The following CACNA1H variants were observed in gnomAD, a reference collection of about 807,000 sequenced individuals.
The protein encoded by CACNA1H is calcium voltage-gated channel subunit alpha1 H, also known as voltage-dependent T-type calcium channel subunit alpha-1H.
Under a neutral mutation model 192.5 loss-of-function variants are expected in CACNA1H, and 149 were observed. That is an observed-to-expected ratio of 0.77 (90% CI 0.68 to 0.89). The LOEUF (loss-of-function observed/expected upper bound fraction) is 0.89. CACNA1H is among the 40% of genes least tolerant of loss of function. The pLI, the probability that CACNA1H is intolerant of heterozygous loss-of-function variation, is 0.00. For synonymous variants in CACNA1H, 2,202 were observed against 1,475.2 expected (o/e 1.49, Z -11.29); for missense variants, 4,257 against 3,423.5 (o/e 1.24, Z -6.08).
At chr16:1,176,513 T>G (rs536217991) in intron 2 of CACNA1H, among the ~76,000 whole-genome samples, 1 of 152,216 alleles carries the variant, frequency 6.6e-6, no homozygotes, top group Non-Finnish European at 1.5e-5. Flanking sequence ...TGAGGAGGCC[T>G]GGGGCCAGTA....
chr16:1,218,326 G>C lies in CACNA1H; in HGVS notation c.5562G>C (p.Val1854=), dbSNP rs368251427. Residue 1854 remains valine, a synonymous_variant, in exon 33 of 35, where the codon GTG becomes GTC. Coordinates refer to ENST00000348261, the MANE Select transcript of CACNA1H (RefSeq NM_021098.3). ...TGGCCCAGTTCGTGCTGGTGAACGTGGTGGTGGCCGTGCTCATGAAGCACC... is the reference window on the plus strand; with the variant it reads ...TGGCCCAGTTCGTGCTGGTGAACGTCGTGGTGGCCGTGCTCATGAAGCACC... ...VLVAQFVLVN[V]VVAVLMKHLE... 503 of 1,559,158 alleles carry C rather than the reference G, an allele frequency of 3.2e-4. No homozygotes were observed. The highest frequency in any genetic ancestry group is 4.2e-4 in the Non-Finnish European group (484 of 1,152,244).
At chr16:1,195,304 T>G (rs2141196150) in intron 3 of CACNA1H, 128 bp from the exon 4 acceptor site, 2 of 1,002,680 alleles carry the variant, frequency 2.0e-6, no homozygotes, top group South Asian at 3.2e-5. Flanking sequence ...TTCCTGGGGC[T>G]CAGGGCGGGG....
chr16:1,162,950 C>T (rs983173440), intron 2 of CACNA1H, among the ~76,000 whole-genome samples: 2 of 152,226 alleles, frequency 1.3e-5, no homozygotes, highest in South Asian at 2.1e-4. Flanking sequence ...GGTGCCTGGC[C>T]CTGCGGCCAC....
chr16:1,166,721 C>T (rs939260592), intron 2 of CACNA1H, among the ~76,000 whole-genome samples: 1 of 152,166 alleles, frequency 6.6e-6, no homozygotes, highest in Non-Finnish European at 1.5e-5. Flanking sequence ...CGGCTTCTCT[C>T]GAGCTTTGTG....
intron 10 of CACNA1H, 56 bp downstream of exon 10, chr16:1,204,514 G>T: frequency 7.2e-7 from 1 of 1,386,804 alleles, no homozygotes; most frequent in Middle Eastern, 2.2e-4. Context: ...AGGGCCTGGG[G>T]AGTCTCAGGA....
intron 30 of CACNA1H, among the ~76,000 whole-genome samples, chr16:1,216,513 G>T (rs1436532166): frequency 6.6e-6 from 1 of 152,220 alleles, no homozygotes; most frequent in East Asian, 1.9e-4. Flanking sequence ...AGTCAGCTGC[G>T]TGCTGGCCTG....
intron 2 of CACNA1H, chr16:1,159,965 C>G (rs1356476727): frequency 1.3e-5 from 2 of 152,442 alleles, no homozygotes. Flanking sequence ...CCCACCAGGC[C>G]GGGCTCCTGG....
rs778637721 is a variant in CACNA1H, at chr16:1,195,957, G to T, written c.577G>T (p.Val193Leu). The T allele has an allele frequency of 9.9e-6, 16 of 1,612,986 alleles. No homozygotes were observed. Among genetic ancestry groups the T allele is most frequent in the Non-Finnish European group, 1.3e-5 (15 of 1,179,834 alleles). Residue 193 changes from valine to leucine, a missense_variant, in exon 5 of 35, where the codon GTG becomes TTG. Physicochemically the swap from Val to Leu is conservative, Grantham distance 32 (BLOSUM62 1). Coordinates refer to ENST00000348261, the MANE Select transcript of CACNA1H (RefSeq NM_021098.3). ...MMEYSLDGHN[V>L]SLSAIRTVRV... ...GGAGTACTCGTTGGACGGACACAAC[G>T]TGAGCCTCTCGGCTATCAGGACCGT...
At chr16:1,165,000 A>T (rs990339239) in intron 2 of CACNA1H, among the ~76,000 whole-genome samples, 1 of 151,770 alleles carries the variant, frequency 6.6e-6, no homozygotes, top group Admixed American at 6.6e-5. Flanking sequence ...CCTCAGGGTG[A>T]TTTGTCTCCG....
intron 9 of CACNA1H, among the ~76,000 whole-genome samples, chr16:1,203,622 A>G (rs1304646616): frequency 6.6e-6 from 1 of 152,176 alleles, no homozygotes; most frequent in Non-Finnish European, 1.5e-5. Flanking sequence ...TCCAAAATCC[A>G]GGCCTTGCAG....
At chr16:1,174,405 G>C (rs192772187) in intron 2 of CACNA1H, among the ~76,000 whole-genome samples, 1 of 152,200 alleles carries the variant, frequency 6.6e-6, no homozygotes, top group Non-Finnish European at 1.5e-5. Context: ...CTGCCAGGAT[G>C]GGGGGCTCCA....
At chr16:1,186,326 C>T (rs1170707969) in intron 2 of CACNA1H, among the ~76,000 whole-genome samples, 1 of 151,974 alleles carries the variant, frequency 6.6e-6, no homozygotes, top group Non-Finnish European at 1.5e-5. Context: ...CCCAGGGAGC[C>T]CTGAAGGCAG....
Position 1,202,338 on chromosome 16 carries a change from C to T in CACNA1H, c.1888C>T (p.Pro630Ser). ...GGGCAGCGGCAAAGGCAGCACCAGC[C>T]CCGGACCCAAGGGGAAGTGGGCCGG... ...GVGSGKGSTS[P>S]GPKGKWAGGP... The change falls in exon 9 of 35, where the codon CCC becomes TCC. Residue 630 changes from proline (P) to serine (S), a missense_variant. Pro to Ser is a moderately conservative substitution (Grantham distance 74, BLOSUM62 -1). Transcript: ENST00000348261. 6.3e-7 allele frequency: 1 copy of T among 1,575,404 alleles called. No homozygotes were observed. Among genetic ancestry groups the T allele is most frequent in the East Asian group, 2.4e-5 (1 of 42,498 alleles).
At chr16:1,209,905 CG>C in intron 17 of CACNA1H, 129 bp from the exon 18 acceptor site, 3 of 688,520 alleles carry the variant, frequency 4.4e-6, no homozygotes. Flanking sequence ...CAAAGGCCAG[CG>C]GGTGAGGAGT....
chr16:1,172,654 C>T (rs994992559), intron 2 of CACNA1H, among the ~76,000 whole-genome samples: 1 of 152,224 alleles, frequency 6.6e-6, no homozygotes, highest in Non-Finnish European at 1.5e-5. Context: ...GCCGCTTTCC[C>T]ATAACCGGCT....
At chr16:1,213,595 A>G (rs1473288360) in intron 26 of CACNA1H, among the ~76,000 whole-genome samples, 185 bp from the exon 27 acceptor site, 1 of 151,944 alleles carries the variant, frequency 6.6e-6, no homozygotes, top group African/African-American at 2.4e-5. Context: ...TTTTCCTGAG[A>G]GAGTCCCCCT....
intron 2 of CACNA1H, among the ~76,000 whole-genome samples, chr16:1,162,394 A>T (rs889185070): frequency 2.6e-5 from 4 of 152,048 alleles, no homozygotes; most frequent in Non-Finnish European, 5.9e-5. Context: ...AGGGAGAAAA[A>T]TGGCCCATGA....
chr16:1,199,662 T>C (rs1403731195), intron 6 of CACNA1H, among the ~76,000 whole-genome samples: 1 of 147,360 alleles, frequency 6.8e-6, no homozygotes, highest in African/African-American at 2.6e-5. Flanking sequence ...CGGGGTCCCC[T>C]CAACCCTCAC....
At chr16:1,176,976 G>A (rs952754847) in intron 2 of CACNA1H, among the ~76,000 whole-genome samples, 2 of 152,116 alleles carry the variant, frequency 1.3e-5, no homozygotes, top group African/African-American at 2.4e-5. Flanking sequence ...AGAGTCCCCA[G>A]GCTGGGAGGA....
Sources: allele counts gnomAD v4.1 joint callset (sites outside exome capture counted in the v4.1 genomes callset), GRCh38; gene constraint gnomAD v4.1.1; transcripts MANE v1.5; gene names NCBI Gene and HGNC (gene_info 2026-07-23, HGNC 2026-07-21).